The following UROC1 variants were observed in gnomAD, a reference collection of about 807,000 sequenced individuals.
UROC1 encodes urocanate hydratase 1.
A neutral mutation model predicts 89.5 loss-of-function variants in UROC1; 79 were observed. That is an observed-to-expected ratio of 0.88 (90% CI 0.74 to 1.06). UROC1 has a LOEUF of 1.06. Among genes scored for constraint, UROC1 ranks in the 50% least tolerant of loss-of-function variants. UROC1 has a pLI of 0.00. For synonymous variants in UROC1, 361 were observed against 354.8 expected, an observed-to-expected ratio of 1.02 and a Z score of -0.20; for missense variants, 885 against 907.8, an observed-to-expected ratio of 0.97 and a Z score of 0.32.
At chr3:126,494,383 C>T (rs552144186) in intron 15 of UROC1, among the ~76,000 whole-genome samples, 24 of 152,314 alleles carry the variant, frequency 1.6e-4, no homozygotes, top group Non-Finnish European at 3.1e-4. Context: ...GCTATCCCCC[C>T]TCTCTTCTCC....
At chr3:126,501,681 A>G in intron 9 of UROC1, 2 of 1,272,376 alleles carry the variant, frequency 1.6e-6, no homozygotes, top group Non-Finnish European at 2.2e-6. Context: ...AGGAAAAATC[A>G]AAGCATATTT....
At chr3:126,506,454 T>G (rs1305054131) in intron 6 of UROC1, among the ~76,000 whole-genome samples, 1 of 151,962 alleles carries the variant, frequency 6.6e-6, no homozygotes, top group Non-Finnish European at 1.5e-5. Flanking sequence ...AAACACCACA[T>G]GGCAGAGAGG....
At chr3:126,493,321 A>G (rs1323640910) in intron 15 of UROC1, among the ~76,000 whole-genome samples, 4 of 152,222 alleles carry the variant, frequency 2.6e-5, no homozygotes, top group Non-Finnish European at 5.9e-5. Flanking sequence ...ATGTGCACAC[A>G]CACGTTCACA....
intron 9 of UROC1, chr3:126,501,950 T>C (rs779694715): frequency 1.3e-6 from 2 of 1,588,812 alleles, no homozygotes; most frequent in Non-Finnish European, 1.7e-6. Flanking sequence ...TGAAGGACCC[T>C]GTGGGAACCG....
intron 18 of UROC1, 116 bp downstream of exon 18, chr3:126,488,082 G>A: frequency 9.2e-7 from 1 of 1,089,364 alleles, no homozygotes; most frequent in Non-Finnish European, 1.4e-6. Flanking sequence ...TGAGGGCAGG[G>A]GAGGTGACCA....
intron 16 of UROC1, among the ~76,000 whole-genome samples, chr3:126,491,739 G>A (rs563596164): frequency 3.9e-5 from 6 of 152,374 alleles, no homozygotes; most frequent in South Asian, 4.1e-4. Flanking sequence ...TCCTCGAGAC[G>A]GGCTTGGCGA....
intron 13 of UROC1, among the ~76,000 whole-genome samples, chr3:126,499,094 C>T (rs1323746639): frequency 6.6e-6 from 1 of 151,946 alleles, no homozygotes; most frequent in African/African-American, 2.4e-5. Flanking sequence ...CCGCAGCCCC[C>T]TGTTCTCACT....
chr3:126,483,580 C>G, intron 18 of UROC1, 112 bp from the exon 19 acceptor site: 1 of 964,356 alleles, frequency 1.0e-6, no homozygotes, highest in East Asian at 2.6e-5. Context: ...GGGTTGGGGC[C>G]GCCACACCGC....
At chr3:126,501,984 A>G (rs1265052697) in intron 9 of UROC1, 4 of 1,546,264 alleles carry the variant, frequency 2.6e-6, no homozygotes, top group Admixed American at 1.9e-5. Flanking sequence ...CTCCATTCCC[A>G]TGGGTCTTCC....
rs762189470 is a variant in UROC1 at position 126,505,838 on chromosome 3, C to A, written c.676G>T (p.Val226Leu). The A allele has an allele frequency of 6.2e-7, 1 of 1,613,640 alleles. No individual in the cohort carries two copies. Among genetic ancestry groups the A allele is most frequent in the South Asian group, 1.1e-5 (1 of 91,088 alleles). ...AGGTACCGACGTGCAGCATTCAACACGGTGAGCTGCAGGGAGAAGAGGTGG... is the reference window on the plus strand; with the variant it reads ...AGGTACCGACGTGCAGCATTCAACAAGGTGAGCTGCAGGGAGAAGAGGTGG... ...QGIVHGTVLT[V>L]LNAARRYLGI... The change falls in exon 8 of 20, where the codon GTG becomes TTG. Residue 226 changes from valine to leucine, a missense_variant. Physicochemically the swap from Val to Leu is conservative, Grantham distance 32. Coordinates refer to ENST00000290868, the MANE Select transcript of UROC1 (RefSeq NM_144639.3).
At chr3:126,485,417 G>C (rs934035098) in intron 18 of UROC1, among the ~76,000 whole-genome samples, 1 of 151,968 alleles carries the variant, frequency 6.6e-6, no homozygotes, top group Non-Finnish European at 1.5e-5. Flanking sequence ...CCCTGCACAT[G>C]GGCAGAAGGC....
chr3:126,498,103 C>G lies in UROC1; in HGVS notation c.1386G>C (p.Ala462=). 6.2e-7 allele frequency: 1 copy of G among 1,614,138 alleles called. No individual in the cohort carries two copies. Among genetic ancestry groups the G allele is most frequent in the Non-Finnish European group, 8.5e-7 (1 of 1,180,024 alleles). Residue 462 remains alanine, a synonymous_variant, in exon 14 of 20, where the codon GCG becomes GCC. Transcript: ENST00000290868. ...CAGATGTGGCCAGTTCGTCTGTGAC[C>G]GCCAGGTCCTGGGGGTCCCCCGATG... is the stretch of plus-strand genomic sequence containing the variant. ...VCTSGDPQDL[A]VTDELATSVL...
chr3:126,498,112 CTGGGG>C lies in UROC1; in HGVS notation c.1372_1376del (p.Pro458GlyfsTer19). 6.2e-7 allele frequency: 1 copy of C among 1,614,186 alleles called. No homozygotes were observed. Among genetic ancestry groups the C allele is most frequent in the Non-Finnish European group, 8.5e-7 (1 of 1,180,016 alleles). On this transcript the variant is annotated frameshift_variant, in exon 14 of 20. Coordinates refer to ENST00000290868, the MANE Select transcript of UROC1 (RefSeq NM_144639.3). LOFTEE classifies it high-confidence loss of function. ...CCAGTTCGTCTGTGACCGCCAGGTCCTGGGGGTCCCCCGATGTGCACACCCAGCGG... is the reference window on the plus strand; with the variant it reads ...CCAGTTCGTCTGTGACCGCCAGGTCCGTCCCCCGATGTGCACACCCAGCGG...
chr3:126,494,878 C>T (rs1047729457), intron 15 of UROC1, among the ~76,000 whole-genome samples: 3 of 142,458 alleles, frequency 2.1e-5, no homozygotes, highest in African/African-American at 7.6e-5. Flanking sequence ...AGAAACTGGG[C>T]AAGACTCATC....
At chr3:126,496,179 A>G (rs1935772543) in intron 14 of UROC1, 71 bp from the exon 15 acceptor site, 2 of 1,483,516 alleles carry the variant, frequency 1.3e-6, no homozygotes, top group African/African-American at 2.8e-5. Context: ...CAGGCTGCTC[A>G]GCTCAGCACA....
At chr3:126,504,476 C>A (rs752882020) in intron 8 of UROC1, among the ~76,000 whole-genome samples, 3 of 152,180 alleles carry the variant, frequency 2.0e-5, no homozygotes, top group Non-Finnish European at 4.4e-5. Flanking sequence ...AGACACTTCC[C>A]TTCTCACCTC....
At chr3:126,488,782 C>T (rs1359037795) in intron 17 of UROC1, among the ~76,000 whole-genome samples, 1 of 152,192 alleles carries the variant, frequency 6.6e-6, no homozygotes, top group East Asian at 1.9e-4. Context: ...AAGTGTGCAA[C>T]ACATTGCTAA....
intron 18 of UROC1, 121 bp downstream of exon 18, chr3:126,488,077 G>T: frequency 9.5e-7 from 1 of 1,054,108 alleles, no homozygotes; most frequent in South Asian, 1.3e-5. Flanking sequence ...AAAGGTGAGG[G>T]CAGGGGAGGT....
intron 2 of UROC1, 46 bp from the exon 3 acceptor site, chr3:126,509,724 AC>A: frequency 1.3e-6 from 2 of 1,525,132 alleles, no homozygotes; most frequent in Non-Finnish European, 1.8e-6. Context: ...CCGCCAAAGC[AC>A]AGCATCTAGC....
Sources: allele counts gnomAD v4.1 joint callset (sites outside exome capture counted in the v4.1 genomes callset), GRCh38; gene constraint gnomAD v4.1.1; transcripts MANE v1.5; gene names NCBI Gene and HGNC (gene_info 2026-07-23, HGNC 2026-07-21).